FRMD4A: variants seen among roughly 807,000 people sequenced by gnomAD.
FRMD4A encodes FERM domain containing 4A.
A neutral mutation model predicts 129.1 loss-of-function variants in FRMD4A; 29 were observed. That is an observed-to-expected ratio of 0.22 (90% CI 0.17 to 0.31). The LOEUF (loss-of-function observed/expected upper bound fraction) is 0.31, where lower values mean the gene tolerates loss of function less well. Ranked by LOEUF, FRMD4A falls within the 10% of genes least tolerant of loss-of-function variation. FRMD4A has a pLI of 1.00. For synonymous variants in FRMD4A, 634 were observed against 571.6 expected (o/e 1.11, Z -1.56); for missense variants, 1,272 against 1,375.8 (o/e 0.92, Z 1.19).
chr10:14,160,205 T>C (rs773505328), intron 2 of FRMD4A, among the ~76,000 whole-genome samples: 2 of 152,104 alleles, frequency 1.3e-5, no homozygotes, highest in Non-Finnish European at 2.9e-5. Flanking sequence ...GCCAAGAACA[T>C]ACATTGAGGA....
At chr10:13,907,567 T>C (rs1227147524) in intron 2 of FRMD4A, among the ~76,000 whole-genome samples, 1 of 152,178 alleles carries the variant, frequency 6.6e-6, no homozygotes, top group Non-Finnish European at 1.5e-5. Flanking sequence ...GTCTTATTTG[T>C]TGAGGGTTCA....
chr10:13,748,009 A>T (rs1389850922), intron 8 of FRMD4A, among the ~76,000 whole-genome samples, 190 bp from the exon 9 acceptor site: 7 of 152,226 alleles, frequency 4.6e-5, no homozygotes, highest in Non-Finnish European at 1.5e-5. Flanking sequence ...GAACACACCA[A>T]GCCCAGTAAC....
At chr10:13,884,212 A>ACTCT (rs879525329) in intron 2 of FRMD4A, among the ~76,000 whole-genome samples, 1 of 84,904 alleles carries the variant, frequency 1.2e-5, no homozygotes, top group African/African-American at 4.3e-5. Flanking sequence ...ACACACTCAC[A>ACTCT]CACACACACA....
At chr10:13,728,871 C>T (rs1239808894) in intron 12 of FRMD4A, among the ~76,000 whole-genome samples, 1 of 152,000 alleles carries the variant, frequency 6.6e-6, no homozygotes, top group Non-Finnish European at 1.5e-5. Context: ...CGTGCCCAGC[C>T]GATGACCACT....
chr10:14,139,576 A>G (rs1257568997), intron 2 of FRMD4A, among the ~76,000 whole-genome samples: 2 of 151,706 alleles, frequency 1.3e-5, no homozygotes, highest in African/African-American at 4.8e-5. Context: ...CAGCCTCCCA[A>G]GTAGCTGGGA....
chr10:14,132,794 C>A (rs1347321328), intron 2 of FRMD4A, among the ~76,000 whole-genome samples: 1 of 152,234 alleles, frequency 6.6e-6, no homozygotes, highest in African/African-American at 2.4e-5. Flanking sequence ...TGGTGGGAAG[C>A]TCTGCCCTCT....
intron 3 of FRMD4A, among the ~76,000 whole-genome samples, chr10:13,857,665 A>G (rs1226756531): frequency 6.6e-6 from 1 of 152,196 alleles, no homozygotes; most frequent in Non-Finnish European, 1.5e-5. Context: ...AAGTAGCATC[A>G]CTTCCCCCAT....
chr10:14,321,519 G>A (rs1843049753), intron 2 of FRMD4A, among the ~76,000 whole-genome samples: 1 of 152,068 alleles, frequency 6.6e-6, no homozygotes, highest in African/African-American at 2.4e-5. Flanking sequence ...TTTGAGGGGT[G>A]GAGGAAGGGA....
chr10:13,726,076 G>A (rs766750220), intron 12 of FRMD4A, among the ~76,000 whole-genome samples: 1 of 152,128 alleles, frequency 6.6e-6, no homozygotes, highest in African/African-American at 2.4e-5. Flanking sequence ...ATTCTTCTTT[G>A]GGGGCCTGGG....
intron 2 of FRMD4A, among the ~76,000 whole-genome samples, chr10:13,999,725 G>T (rs1305884919): frequency 2.0e-5 from 3 of 152,242 alleles, no homozygotes; most frequent in Non-Finnish European, 4.4e-5. Flanking sequence ...AAAAGGGACT[G>T]CCCATGCACC....
intron 2 of FRMD4A, among the ~76,000 whole-genome samples, chr10:14,148,935 C>T (rs551495663): frequency 6.6e-6 from 1 of 152,118 alleles, no homozygotes. Context: ...TGCATACATA[C>T]CCAGACAAAT....
At chr10:14,118,774 G>A (rs1838335465) in intron 2 of FRMD4A, among the ~76,000 whole-genome samples, 1 of 152,156 alleles carries the variant, frequency 6.6e-6, no homozygotes, top group Non-Finnish European at 1.5e-5. Flanking sequence ...GGGGGAAACT[G>A]CTCCCATGAT....
intron 2 of FRMD4A, among the ~76,000 whole-genome samples, chr10:14,054,434 C>T: frequency 6.6e-6 from 1 of 152,114 alleles, no homozygotes. Flanking sequence ...CCTAATTTCC[C>T]AAAACACAGC....
chr10:14,107,718 A>G (rs1837660315), intron 2 of FRMD4A, among the ~76,000 whole-genome samples: 1 of 152,100 alleles, frequency 6.6e-6, no homozygotes, highest in Admixed American at 6.6e-5. Flanking sequence ...TTCTCACCTC[A>G]CTTTTGCATA....
intron 3 of FRMD4A, among the ~76,000 whole-genome samples, chr10:13,835,185 C>T (rs1171991250): frequency 6.6e-6 from 1 of 152,208 alleles, no homozygotes; most frequent in Non-Finnish European, 1.5e-5. Context: ...CCAGTTACTT[C>T]ACTCGTGGAG....
intron 2 of FRMD4A, among the ~76,000 whole-genome samples, chr10:13,981,060 G>C (rs1046218325): frequency 6.6e-6 from 1 of 152,198 alleles, no homozygotes; most frequent in African/African-American, 2.4e-5. Context: ...TTCTCATGAA[G>C]ATCTCTTGTA....
chr10:13,902,746 A>G (rs1346445382), intron 2 of FRMD4A, among the ~76,000 whole-genome samples: 1 of 150,382 alleles, frequency 6.6e-6, no homozygotes, highest in Non-Finnish European at 1.5e-5. Context: ...AGGCTGAGGC[A>G]GGAGGACTGC....
At position 13,931,951 on chromosome 10, in the gene FRMD4A, A is replaced by AAACC. The variant is rs376187231; in HGVS notation, c.46-73043_46-73040dup. ...GCAATAGAGCAAGACTCTGTCTCAAAAACCAACCAACCAACCAACCAACCA... is the reference window on the plus strand; with the variant it reads ...GCAATAGAGCAAGACTCTGTCTCAAAAACCAACCAACCAACCAACCAACCAACCA... On this transcript the variant is annotated intron_variant, in intron 2 of 24. Coordinates refer to ENST00000357447, the MANE Select transcript of FRMD4A (RefSeq NM_018027.5). 1.6e-3 allele frequency among the ~76,000 whole-genome samples: 182 copies of AAACC among 111,462 alleles called. 1 individual carries two copies. The highest frequency in any genetic ancestry group is 5.2e-3 in the African/African-American group (142 of 27,292). The allele number at this position is 111,462 out of a possible 152,430, so 73.1% of individuals were successfully genotyped here.
intron 2 of FRMD4A, among the ~76,000 whole-genome samples, chr10:14,297,817 C>G (rs921375864): frequency 1.3e-5 from 2 of 152,098 alleles, no homozygotes; most frequent in African/African-American, 2.4e-5. Context: ...GGAGGCAGAG[C>G]CTTATGGTGA....
Sources: gnomAD v4.1 joint callset for allele counts (sites outside exome capture counted in the v4.1 genomes callset) on GRCh38, gnomAD v4.1.1 for gene constraint, MANE v1.5 for transcripts, NCBI Gene and HGNC (gene_info 2026-07-23, HGNC 2026-07-21) for gene names.